GOLGA3: variants seen among roughly 807,000 people sequenced by gnomAD.
GOLGA3 encodes the protein golgin subfamily A member 3.
A neutral mutation model predicts 169.4 loss-of-function variants in GOLGA3; 75 were observed. The ratio of observed to expected loss-of-function variants is 0.44; its 90% CI spans 0.37 to 0.54. The LOEUF is 0.54. GOLGA3 is among the 20% of genes least tolerant of loss of function. The pLI is 0.00. For synonymous variants in GOLGA3, 824 were observed against 822.4 expected (o/e 1.00, Z -0.03); for missense variants, 1,899 against 1,930.0 (o/e 0.98, Z 0.30).
intron 6 of GOLGA3, among the ~76,000 whole-genome samples, chr12:132,806,127 CA>C (rs1879184416): frequency 6.6e-6 from 1 of 152,170 alleles, no homozygotes; most frequent in Non-Finnish European, 1.5e-5. Flanking sequence ...AACAAACACC[CA>C]AAGCAATTGA....
At chr12:132,796,426 C>T in intron 10 of GOLGA3, 113 bp downstream of exon 10, 1 of 1,307,590 alleles carries the variant, frequency 7.6e-7, no homozygotes, top group African/African-American at 1.5e-5. Flanking sequence ...CCAACTCCCA[C>T]CTGAGCGGAC....
At chr12:132,816,893 A>G in intron 2 of GOLGA3, 81 bp from the exon 3 acceptor site, 1 of 1,250,920 alleles carries the variant, frequency 8.0e-7, no homozygotes, top group Non-Finnish European at 1.1e-6. Context: ...CTGGAGTAGG[A>G]GAGAAGAGGA....
rs1228817581 is a variant in GOLGA3 at position 132,772,412 on chromosome 12, C to T, written c.*693G>A. On this transcript the variant is annotated 3_prime_UTR_variant, in exon 24 of 24. Coordinates refer to ENST00000450791, the MANE Select transcript of GOLGA3 (RefSeq NM_001389683.1). Reference sequence around the variant, plus strand: ...TACAAACATTAGCCTGGCATAGTGGCGCACGCCTGTAATCCCAGCTACTCG... The same window carrying T: ...TACAAACATTAGCCTGGCATAGTGGTGCACGCCTGTAATCCCAGCTACTCG... 2.6e-5 allele frequency: 4 copies of T among 152,130 alleles called. No individual in the cohort carries two copies. The highest frequency in any genetic ancestry group is 3.9e-4 in the East Asian group (2 of 5,156). 9.4% of individuals were successfully genotyped at this position (152,130 alleles called of 1,614,324 possible). A position where few individuals can be genotyped will look rare whatever the true frequency, so the allele number is the denominator to read the frequency against.
intron 12 of GOLGA3, among the ~76,000 whole-genome samples, chr12:132,789,581 G>A (rs917166835): frequency 6.6e-6 from 1 of 152,162 alleles, no homozygotes; most frequent in African/African-American, 2.4e-5. Context: ...GACTTCAGTT[G>A]CACGGCTTTG....
chr12:132,790,398 G>A (rs1425282828), intron 12 of GOLGA3, among the ~76,000 whole-genome samples: 1 of 152,166 alleles, frequency 6.6e-6, no homozygotes, highest in Non-Finnish European at 1.5e-5. Flanking sequence ...CCCTCGCTCA[G>A]AAATAAAACA....
At chr12:132,790,451 A>G (rs2046168752) in intron 12 of GOLGA3, among the ~76,000 whole-genome samples, 1 of 152,212 alleles carries the variant, frequency 6.6e-6, no homozygotes, top group Non-Finnish European at 1.5e-5. Context: ...CCTTGCTCAG[A>G]TCCCATAAAA....
chr12:132,780,182 G>A (rs1187000163), intron 18 of GOLGA3, among the ~76,000 whole-genome samples: 1 of 135,180 alleles, frequency 7.4e-6, no homozygotes, highest in Non-Finnish European at 1.6e-5. Context: ...AGCCCCCCGC[G>A]TGCACACACA....
At chr12:132,782,873 C>A (rs1281117259) in intron 16 of GOLGA3, among the ~76,000 whole-genome samples, 3 of 97,006 alleles carry the variant, frequency 3.1e-5, no homozygotes, top group Admixed American at 1.1e-4. Flanking sequence ...GAGACTCTGT[C>A]TCAAAAAAAA....
chr12:132,811,305 G>C (rs1949697581), intron 4 of GOLGA3, among the ~76,000 whole-genome samples: 1 of 152,058 alleles, frequency 6.6e-6, no homozygotes, highest in African/African-American at 2.4e-5. Flanking sequence ...TGTGGGGCTG[G>C]ACCCTACATG....
intron 5 of GOLGA3, 38 bp downstream of exon 5, chr12:132,807,843 GCCCCACCCAC>G: frequency 3.9e-6 from 1 of 254,784 alleles, no homozygotes; most frequent in East Asian, 9.8e-5. Flanking sequence ...CCCTCTGTTG[GCCCCACCCAC>G]CTCCACCCAC....
At position 132,780,793 on chromosome 12, in the gene GOLGA3, C is replaced by G; in HGVS notation, c.3582+5G>C. 1 of 1,575,802 alleles carries G rather than the reference C, an allele frequency of 6.3e-7. No homozygotes were observed. The highest frequency in any genetic ancestry group is 8.7e-7 in the Non-Finnish European group (1 of 1,148,876). Reference sequence around the variant, plus strand: ...ACGCCCTGTGAGACGGAAGGTGGCACGCACCTGCTCCTTGAGGCTGTTCAC... The same window carrying G: ...ACGCCCTGTGAGACGGAAGGTGGCAGGCACCTGCTCCTTGAGGCTGTTCAC... On this transcript the variant is annotated splice_donor_5th_base_variant and intron_variant, in intron 18 of 23. Coordinates refer to ENST00000450791, the MANE Select transcript of GOLGA3 (RefSeq NM_001389683.1).
chr12:132,789,458 CACT>C (rs2046107305), intron 12 of GOLGA3, among the ~76,000 whole-genome samples, 168 bp from the exon 13 acceptor site: 1 of 152,342 alleles, frequency 6.6e-6, no homozygotes, highest in South Asian at 2.1e-4. Flanking sequence ...TGAGACACAC[CACT>C]GTTTATCCAC....
In GOLGA3 at chr12:132,795,983, C is replaced by G; in HGVS notation, c.2338G>C (p.Ala780Pro). The change falls in exon 11 of 24, where the codon GCG becomes CCG. Residue 780 changes from alanine to proline, a missense_variant. Ala to Pro is a conservative substitution (Grantham distance 27). Transcript: ENST00000450791. ...LLQNEKIILE[A>P]ALQAAKSGKE... Reference sequence around the variant, plus strand: ...CCACTCTTGGCCGCCTGCAAAGCCGCCTCCAAGATGATCTTCTCGTTCTGC... The same window carrying G: ...CCACTCTTGGCCGCCTGCAAAGCCGGCTCCAAGATGATCTTCTCGTTCTGC... 1 of 1,613,782 alleles carries G rather than the reference C, an allele frequency of 6.2e-7. No individual in the cohort carries two copies. The highest frequency in any genetic ancestry group is 8.5e-7 in the Non-Finnish European group (1 of 1,180,028).
chr12:132,805,600 C>T (rs574367655), intron 6 of GOLGA3, among the ~76,000 whole-genome samples: 32 of 142,528 alleles, frequency 2.2e-4, no homozygotes, highest in African/African-American at 6.6e-4. Flanking sequence ...GACCCCCAGG[C>T]GCTCTCCCAA....
chr12:132,819,744 A>G (rs1473466349), intron 2 of GOLGA3, among the ~76,000 whole-genome samples: 1 of 151,942 alleles, frequency 6.6e-6, no homozygotes, highest in African/African-American at 2.4e-5. Flanking sequence ...TTTCAGATAA[A>G]AGTTACTGGG....
At chr12:132,795,721 A>G in intron 11 of GOLGA3, 131 bp downstream of exon 11, 1 of 980,842 alleles carries the variant, frequency 1.0e-6, no homozygotes, top group Non-Finnish European at 1.5e-6. Flanking sequence ...AGATCATCCC[A>G]CTGCACTCCA....
chr12:132,805,082 AT>A, intron 6 of GOLGA3, 60 bp from the exon 7 acceptor site: 1 of 1,539,252 alleles, frequency 6.5e-7, no homozygotes, highest in Non-Finnish European at 8.7e-7. Flanking sequence ...CATCCAGTGT[AT>A]TAACAGGAAC....
chr12:132,784,043 CA>C (rs772220950), intron 16 of GOLGA3, 120 bp downstream of exon 16: 2 of 1,537,794 alleles, frequency 1.3e-6, no homozygotes, highest in Non-Finnish European at 1.7e-6. Flanking sequence ...GTGGCAACAC[CA>C]AAAGTAGCAA....
chr12:132,792,847 A>G lies in GOLGA3; in HGVS notation c.2470-1554T>C, dbSNP rs113925806. Among the ~76,000 whole-genome samples, 91 of 53,898 alleles carry G rather than the reference A, an allele frequency of 1.7e-3. 4 individuals are homozygous for G. The highest frequency in any genetic ancestry group is 0.016 in the Middle Eastern group (1 of 62). The allele number at this position is 53,898 out of a possible 152,430, so 35.4% of individuals were successfully genotyped here. A position where few individuals can be genotyped will look rare whatever the true frequency, so the allele number is the denominator to read the frequency against. ...TCGGAGGGCTCCACACGGACCGACCACACGGGACCTGCACTCGGAGGGCTC... is the reference window on the plus strand; with the variant it reads ...TCGGAGGGCTCCACACGGACCGACCGCACGGGACCTGCACTCGGAGGGCTC... On this transcript the variant is annotated intron_variant, in intron 11 of 23. Transcript: ENST00000450791.
Sources: allele counts gnomAD v4.1 joint callset (sites outside exome capture counted in the v4.1 genomes callset), GRCh38; gene constraint gnomAD v4.1.1; transcripts MANE v1.5; gene names NCBI Gene and HGNC (gene_info 2026-07-23, HGNC 2026-07-21).